DNAH5: variants seen among roughly 807,000 people sequenced by gnomAD.
DNAH5 encodes the protein dynein axonemal heavy chain 5.
DNAH5 carries 372 observed loss-of-function variants against 518.2 expected under a neutral mutation model. That is an observed-to-expected ratio of 0.72 (90% CI 0.66 to 0.78). The LOEUF (loss-of-function observed/expected upper bound fraction) is 0.78. Ranked by LOEUF, DNAH5 falls within the 30% of genes least tolerant of loss-of-function variation. The probability of loss-of-function intolerance (pLI) is 0.00; values close to 1 mark genes in which losing one functional copy is unlikely to be tolerated. For missense variants in DNAH5, 5,523 were observed against 5,687.0 expected (o/e 0.97, Z 0.93); for synonymous variants, 2,039 against 2,025.9 (o/e 1.01, Z -0.17).
intron 58 of DNAH5, among the ~76,000 whole-genome samples, chr5:13,768,495 A>C (rs1752834353): frequency 6.6e-6 from 1 of 152,196 alleles, no homozygotes. Flanking sequence ...GTACTGTTTA[A>C]TTGCGTTGGA....
intron 63 of DNAH5, among the ~76,000 whole-genome samples, 192 bp downstream of exon 63, chr5:13,753,041 C>A (rs540941956): frequency 6.6e-6 from 1 of 152,290 alleles, no homozygotes; most frequent in East Asian, 1.9e-4. Flanking sequence ...TGGTAGAGAT[C>A]AACACAAATG....
chr5:13,761,557 C>T (rs1751778258), intron 60 of DNAH5, among the ~76,000 whole-genome samples: 1 of 149,676 alleles, frequency 6.7e-6, no homozygotes, highest in South Asian at 2.1e-4. Context: ...CAAGCCACTG[C>T]ACTCCAGCCT....
intron 40 of DNAH5, among the ~76,000 whole-genome samples, chr5:13,821,285 G>A (rs1465778449): frequency 6.6e-6 from 1 of 152,128 alleles, no homozygotes; most frequent in Non-Finnish European, 1.5e-5. Flanking sequence ...AATTTAAAAG[G>A]TAATACTTAC....
chr5:13,927,664 A>G (rs1421666771), intron 3 of DNAH5, among the ~76,000 whole-genome samples: 1 of 152,260 alleles, frequency 6.6e-6, no homozygotes, highest in African/African-American at 2.4e-5. Flanking sequence ...GGTGTTACAC[A>G]TGCTGGCAAT....
intron 52 of DNAH5, among the ~76,000 whole-genome samples, chr5:13,784,085 C>T (rs920079635): frequency 1.3e-5 from 2 of 152,086 alleles, no homozygotes; most frequent in South Asian, 2.1e-4. Context: ...ATCTGGGCTG[C>T]GAATCATGGA....
Position 13,882,809 on chromosome 5 carries a change from T to C in DNAH5, c.3181A>G (p.Ile1061Val), listed in dbSNP as rs1771855564. Residue 1061 changes from isoleucine (I) to valine (V), a missense_variant, in exon 21 of 79, where the codon ATA becomes GTA. Transcript: ENST00000265104. ...WSSELLSKKK[I>V]QERKMAALQS... ...AAAGCAGCCATTTTTCTTTCTTGTA[T>C]CTTTTTCTACAATGTAAAAGGATAT... The C allele has an allele frequency of 3.7e-6, 6 of 1,614,118 alleles. No homozygotes were observed. The East Asian group carries it at 1.3e-4, about 36-fold the overall frequency.
chr5:13,771,166 T>C (rs980289795), intron 55 of DNAH5, 186 bp from the exon 56 acceptor site: 4 of 599,256 alleles, frequency 6.7e-6, no homozygotes, highest in Admixed American at 2.9e-5. Flanking sequence ...TATTTTCTGT[T>C]GTATATATAA....
At chr5:13,847,388 T>C (rs1766152581) in intron 31 of DNAH5, among the ~76,000 whole-genome samples, 1 of 150,924 alleles carries the variant, frequency 6.6e-6, no homozygotes, top group Admixed American at 6.6e-5. Flanking sequence ...AAATGTTGGG[T>C]GACAGAATAG....
rs1344740778 is a variant in DNAH5, at chr5:13,859,554, G to T, written c.4848C>A (p.Ser1616=). The change falls in exon 30 of 79, where the codon TCC becomes TCA. Residue 1616 remains serine, a synonymous_variant. Transcript: ENST00000265104. ...AQIQKWVQYL[S]NSTDIIESWM... ...AGCTCTCGATGATGTCTGTTGAGTT[G>T]GAAAGGTACTGCACCCATTTTTGAA... 3.1e-6 allele frequency: 5 copies of T among 1,613,984 alleles called. No homozygotes were observed. The highest frequency in any genetic ancestry group is 4.2e-6 in the Non-Finnish European group (5 of 1,179,938).
intron 1 of DNAH5, among the ~76,000 whole-genome samples, chr5:13,953,359 T>G (rs927122117): frequency 6.6e-6 from 1 of 152,188 alleles, no homozygotes; most frequent in Non-Finnish European, 1.5e-5. Flanking sequence ...CCAAAAGAAT[T>G]GTCAGCTTCC....
chr5:13,785,502 T>A (rs546850519), intron 52 of DNAH5, among the ~76,000 whole-genome samples: 1 of 152,364 alleles, frequency 6.6e-6, no homozygotes, highest in Non-Finnish European at 1.5e-5. Flanking sequence ...TTGTTTCTAA[T>A]CATGGTAAAA....
Position 13,714,518 on chromosome 5 carries a change from C to A in DNAH5, c.13012G>T (p.Gly4338Cys). 1 of 1,614,128 alleles carries A rather than the reference C, an allele frequency of 6.2e-7. No homozygotes were observed. Among genetic ancestry groups the A allele is most frequent in the African/African-American group, 1.3e-5 (1 of 75,052 alleles). ...CCAGAGGTGTCCTTGGGTTGGATGCCTAGGATGGTGTCCAGCACGTCCTTG... is the reference window on the plus strand; with the variant it reads ...CCAGAGGTGTCCTTGGGTTGGATGCATAGGATGGTGTCCAGCACGTCCTTG... ...LAKDVLDTIL[G>C]IQPKDTSGGG... The change falls in exon 75 of 79, where the codon GGC (glycine) becomes TGC (cysteine). Residue 4338 changes from glycine (G) to cysteine (C), a missense_variant. Physicochemically the swap from Gly to Cys is radical, Grantham distance 159. Transcript: ENST00000265104.
chr5:13,717,335 C>A lies in DNAH5; in HGVS notation c.12685G>T (p.Asp4229Tyr). 6.2e-7 allele frequency: 1 copy of A among 1,613,934 alleles called. No individual in the cohort carries two copies. The highest frequency in any genetic ancestry group is 1.1e-5 in the South Asian group (1 of 91,022). Reference protein sequence around the residue: ...ATVQFIQNHLDDMDVKKGVSW... With the variant: ...ATVQFIQNHLYDMDVKKGVSW... ...AGTACCTTTTTGACATCCATGTCATCCAAGTGGTTTTGGATGAACTGCACA... is the reference window on the plus strand; with the variant it reads ...AGTACCTTTTTGACATCCATGTCATACAAGTGGTTTTGGATGAACTGCACA... Residue 4229 changes from aspartate to tyrosine, a missense_variant, in exon 73 of 79, where the codon GAT becomes TAT. Physicochemically the swap from Asp to Tyr is radical, Grantham distance 160. Around this residue, in one of 3 missense-constraint regions of DNAH5, gnomAD observed 5,121 missense variants for 5,223.3 expected, o/e 0.98. Transcript: ENST00000265104.
intron 75 of DNAH5, among the ~76,000 whole-genome samples, chr5:13,709,282 A>G (rs6554804): frequency 0.42 from 63,787 of 151,996 alleles, 13,570 homozygotes; most frequent in Middle Eastern, 0.49. Flanking sequence ...AGGGTGGCTC[A>G]TGTTAGAAGC....
chr5:13,754,910 G>A (rs544216319), intron 61 of DNAH5, among the ~76,000 whole-genome samples: 1 of 152,116 alleles, frequency 6.6e-6, no homozygotes, highest in South Asian at 2.1e-4. Context: ...AAGGCTGCGA[G>A]GTGGGCGGAT....
rs751641706 is a variant in DNAH5 at position 13,753,550 on chromosome 5, C to T, written c.10556-1G>A. 6.2e-7 allele frequency: 1 copy of T among 1,612,036 alleles called. No homozygotes were observed. Among genetic ancestry groups the T allele is most frequent in the Non-Finnish European group, 8.5e-7 (1 of 1,178,902 alleles). On this transcript the variant is annotated splice_acceptor_variant, in intron 62 of 78. Coordinates refer to ENST00000265104, the MANE Select transcript of DNAH5 (RefSeq NM_001369.3). LOFTEE classifies it high-confidence loss of function. The stretch of plus-strand genomic sequence containing the variant: ...AAAGCTGTAGCCAACAGTACATCCC[C>T]TAAAATAGAAAACAAACACCATTGA...
At position 13,876,876 on chromosome 5, in the gene DNAH5, G is replaced by C. The variant is rs9312851; in HGVS notation, c.3263-59C>G. The stretch of plus-strand genomic sequence containing the variant: ...TACTCACACAAGAATGTACTTTCAG[G>C]AGATGAGGATATTTCTGTGATAGTA... On this transcript the variant is annotated intron_variant, in intron 21 of 78. Coordinates refer to ENST00000265104, the MANE Select transcript of DNAH5 (RefSeq NM_001369.3). The C allele has an allele frequency of 0.039, 60,075 of 1,541,966 alleles. 3,367 individuals carry two copies. The highest frequency in any genetic ancestry group is 0.27 in the African/African-American group (19,397 of 73,196).
intron 52 of DNAH5, among the ~76,000 whole-genome samples, chr5:13,783,131 A>G (rs1257712987): frequency 1.3e-5 from 2 of 152,194 alleles, no homozygotes; most frequent in African/African-American, 2.4e-5. Flanking sequence ...CTAGAAGTAC[A>G]TCACACAAAG....
intron 1 of DNAH5, among the ~76,000 whole-genome samples, chr5:13,953,224 A>G (rs1018404818): frequency 4.6e-5 from 7 of 152,224 alleles, no homozygotes; most frequent in African/African-American, 1.4e-4. Context: ...AACCAACATC[A>G]CAACTTCTTG....
Sources: allele counts gnomAD v4.1 joint callset (sites outside exome capture counted in the v4.1 genomes callset), GRCh38; gene constraint gnomAD v4.1.1; regional missense constraint gnomAD v4.1.1; transcripts MANE v1.5; gene names NCBI Gene and HGNC (gene_info 2026-07-23, HGNC 2026-07-21).